SRBD1: variants seen among roughly 807,000 people sequenced by gnomAD.
SRBD1 encodes the protein S1 RNA binding domain 1, also known as S1 RNA-binding domain-containing protein 1.
In SRBD1, 88 loss-of-function variants were observed where a neutral mutation model predicts 115.3. That is an observed-to-expected ratio of 0.76 (90% CI 0.64 to 0.91). SRBD1 has a LOEUF of 0.91. SRBD1 is among the 40% of genes least tolerant of loss of function. SRBD1 has a pLI of 0.00. For synonymous variants in SRBD1, 509 were observed against 407.7 expected, an observed-to-expected ratio of 1.25 and a Z score of -2.99; for missense variants, 1,385 against 1,177.4, an observed-to-expected ratio of 1.18 and a Z score of -2.58.
intron 10 of SRBD1, among the ~76,000 whole-genome samples, chr2:45,555,560 G>T (rs1428342984): frequency 7.1e-6 from 1 of 140,604 alleles, no homozygotes; most frequent in Non-Finnish European, 1.5e-5. Context: ...GCGCGATCCC[G>T]GCCCACTGCA....
intron 16 of SRBD1, among the ~76,000 whole-genome samples, chr2:45,435,778 A>G (rs112690458): frequency 7.9e-4 from 121 of 152,282 alleles, no homozygotes; most frequent in African/African-American, 2.5e-3. Flanking sequence ...CCCTAACAAA[A>G]TTTTAAAAAA....
intron 14 of SRBD1, among the ~76,000 whole-genome samples, chr2:45,497,648 T>A (rs181219971): frequency 6.6e-6 from 1 of 152,312 alleles, no homozygotes; most frequent in East Asian, 1.9e-4. Context: ...TTACATTGCA[T>A]AAAATTCACC....
At chr2:45,604,371 AG>A (rs1674196645) in intron 2 of SRBD1, among the ~76,000 whole-genome samples, 1 of 45,392 alleles carries the variant, frequency 2.2e-5, no homozygotes, top group Non-Finnish European at 4.2e-5. Flanking sequence ...ACTAACAGGG[AG>A]GGGAGAGGGG....
chr2:45,496,335 C>T (rs1214654105), intron 14 of SRBD1, among the ~76,000 whole-genome samples: 1 of 151,948 alleles, frequency 6.6e-6, no homozygotes, highest in East Asian at 1.9e-4. Flanking sequence ...AATTAGCCAA[C>T]TTTGAGAATA....
At chr2:45,527,233 C>T (rs1158724232) in intron 14 of SRBD1, among the ~76,000 whole-genome samples, 1 of 151,716 alleles carries the variant, frequency 6.6e-6, no homozygotes, top group Admixed American at 6.6e-5. Flanking sequence ...TTCTGAGTGC[C>T]AACATGGGCA....
chr2:45,449,691 A>G (rs1668934415), intron 16 of SRBD1, among the ~76,000 whole-genome samples: 2 of 152,150 alleles, frequency 1.3e-5, no homozygotes, highest in African/African-American at 4.8e-5. Flanking sequence ...AAAACACTGT[A>G]TTTTTACACC....
intron 10 of SRBD1, among the ~76,000 whole-genome samples, chr2:45,554,035 ACC>A (rs1404714367): frequency 6.6e-6 from 1 of 152,326 alleles, no homozygotes; most frequent in Non-Finnish European, 1.5e-5. Context: ...CAAGAAAGTC[ACC>A]AAAAAATTAT....
intron 14 of SRBD1, 65 bp downstream of exon 14, chr2:45,546,667 A>T (rs1315438865): frequency 2.0e-6 from 3 of 1,469,506 alleles, no homozygotes; most frequent in Non-Finnish European, 1.9e-6. Context: ...GGGAGGATTC[A>T]TCACAAAAGC....
chr2:45,485,720 T>C (rs910339813), intron 15 of SRBD1, among the ~76,000 whole-genome samples: 3 of 152,196 alleles, frequency 2.0e-5, no homozygotes, highest in Admixed American at 2.0e-4. Flanking sequence ...TATATTCTTA[T>C]ACAGCAAACT....
intron 16 of SRBD1, among the ~76,000 whole-genome samples, chr2:45,428,874 G>C (rs1668242876): frequency 6.6e-6 from 1 of 152,042 alleles, no homozygotes; most frequent in African/African-American, 2.4e-5. Context: ...TCCAGGAGCT[G>C]GTTTTCTGAA....
At chr2:45,571,230 G>A (rs1180803283) in intron 9 of SRBD1, among the ~76,000 whole-genome samples, 1 of 152,080 alleles carries the variant, frequency 6.6e-6, no homozygotes, top group East Asian at 1.9e-4. Context: ...AAGTCTGGGA[G>A]AGTTTGGGTT....
In SRBD1 at chr2:45,442,785, G is replaced by T. The variant is rs1181052295; in HGVS notation, c.2050-22891C>A. Among the ~76,000 whole-genome samples the T allele has an allele frequency of 2.6e-5, 4 of 152,154 alleles. No homozygotes were observed. The East Asian group carries it at 5.8e-4, about 22-fold the overall frequency. On this transcript the variant is annotated intron_variant, in intron 16 of 20. Coordinates refer to ENST00000263736, the MANE Select transcript of SRBD1 (RefSeq NM_018079.5). Reference sequence around the variant, plus strand: ...GAATCAGCAACTTATTTCCATTTTAGTTTGAGAGTTTTCTGACACTGAGAA... The same window carrying T: ...GAATCAGCAACTTATTTCCATTTTATTTTGAGAGTTTTCTGACACTGAGAA...
chr2:45,439,938 A>G (rs1668610130), intron 16 of SRBD1, among the ~76,000 whole-genome samples: 1 of 152,190 alleles, frequency 6.6e-6, no homozygotes, highest in South Asian at 2.1e-4. Flanking sequence ...AATATAGAAC[A>G]CTTCTGGTTT....
At chr2:45,551,945 T>C (rs1672314524) in intron 11 of SRBD1, among the ~76,000 whole-genome samples, 1 of 152,194 alleles carries the variant, frequency 6.6e-6, no homozygotes, top group African/African-American at 2.4e-5. Flanking sequence ...TCTATGACGC[T>C]AGTTCAGTAA....
chr2:45,521,449 T>C (rs905590134), intron 14 of SRBD1, among the ~76,000 whole-genome samples: 23 of 151,724 alleles, frequency 1.5e-4, no homozygotes, highest in African/African-American at 5.6e-4. Context: ...AAAACCAAAA[T>C]GAGATATCAC....
At chr2:45,448,000 T>C (rs1558401755) in intron 16 of SRBD1, 2 of 152,148 alleles carry the variant, frequency 1.3e-5, no homozygotes, top group African/African-American at 2.4e-5. Flanking sequence ...AATTTGTTGT[T>C]TAATGAGAGT....
At chr2:45,524,000 A>C (rs6544824) in intron 14 of SRBD1, among the ~76,000 whole-genome samples, 2 of 151,996 alleles carry the variant, frequency 1.3e-5, no homozygotes, top group African/African-American at 2.4e-5. Context: ...TGATTCAACA[A>C]CCAAAAATCA....
chr2:45,389,745 G>A (rs138006222), intron 20 of SRBD1, 146 bp from the exon 21 acceptor site: 3 of 786,596 alleles, frequency 3.8e-6, no homozygotes, highest in African/African-American at 3.5e-5. Flanking sequence ...GCAGACCAAC[G>A]CTTGCCTTCA....
chr2:45,568,286 T>C (rs1480465704), intron 9 of SRBD1, among the ~76,000 whole-genome samples: 1 of 152,234 alleles, frequency 6.6e-6, no homozygotes, highest in Admixed American at 6.5e-5. Flanking sequence ...ATTCCCACAG[T>C]ACTTGGAGAG....
Sources: allele counts gnomAD v4.1 joint callset (sites outside exome capture counted in the v4.1 genomes callset), GRCh38; gene constraint gnomAD v4.1.1; transcripts MANE v1.5; gene names NCBI Gene and HGNC (gene_info 2026-07-23, HGNC 2026-07-21).